CADM2: variants seen among roughly 807,000 people sequenced by gnomAD.
The protein encoded by CADM2 is immunoglobulin superfamily member 4D.
In CADM2, 12 loss-of-function variants were observed where a neutral mutation model predicts 49.8. That is an observed-to-expected ratio of 0.24 (90% CI 0.15 to 0.39). CADM2 has a LOEUF of 0.39. Ranked by LOEUF, CADM2 falls within the 10% of genes least tolerant of loss-of-function variation. CADM2 has a pLI of 1.00. For missense variants in CADM2, 378 were observed against 492.3 expected, an observed-to-expected ratio of 0.77 and a Z score of 2.20; for synonymous variants, 214 against 175.4, an observed-to-expected ratio of 1.22 and a Z score of -1.74.
intron 1 of CADM2, among the ~76,000 whole-genome samples, chr3:85,609,788 A>G (rs999543049): frequency 2.0e-5 from 3 of 152,106 alleles, no homozygotes; most frequent in Non-Finnish European, 4.4e-5. Flanking sequence ...AGTGCTGGTA[A>G]AAACTGAGGT....
At chr3:85,094,713 T>G (rs1425804674) in intron 1 of CADM2, among the ~76,000 whole-genome samples, 2 of 152,174 alleles carry the variant, frequency 1.3e-5, no homozygotes, top group African/African-American at 4.8e-5. Context: ...TGACTTTTCT[T>G]TTTGGGAATT....
chr3:85,678,563 G>T (rs767381926), intron 1 of CADM2, among the ~76,000 whole-genome samples: 1 of 152,110 alleles, frequency 6.6e-6, no homozygotes, highest in South Asian at 2.1e-4. Context: ...TAACTCATCT[G>T]TTTAAGAATC....
intron 1 of CADM2, among the ~76,000 whole-genome samples, chr3:85,288,424 ATTT>A (rs1271162953): frequency 6.6e-6 from 1 of 152,012 alleles, no homozygotes; most frequent in Non-Finnish European, 1.5e-5. Context: ...TTGTTAGATA[ATTT>A]TTGTTTTTTT....
intron 2 of CADM2, among the ~76,000 whole-genome samples, chr3:85,741,207 G>A (rs950385835): frequency 6.6e-6 from 1 of 152,086 alleles, no homozygotes; most frequent in Non-Finnish European, 1.5e-5. Flanking sequence ...TTCTATTTCA[G>A]TATAAGGAGA....
chr3:85,612,793 T>A (rs1312181162), intron 1 of CADM2, among the ~76,000 whole-genome samples: 1 of 151,804 alleles, frequency 6.6e-6, no homozygotes, highest in Non-Finnish European at 1.5e-5. Context: ...TTTAAATAGC[T>A]GTGTTGGCAG....
chr3:85,832,180 T>C (rs2074215525), intron 3 of CADM2, among the ~76,000 whole-genome samples: 1 of 151,942 alleles, frequency 6.6e-6, no homozygotes, highest in Non-Finnish European at 1.5e-5. Flanking sequence ...TTCTTTTCCA[T>C]TGCTGTGTGT....
At chr3:85,950,105 A>G (rs1723264880) in intron 7 of CADM2, among the ~76,000 whole-genome samples, 1 of 151,236 alleles carries the variant, frequency 6.6e-6, no homozygotes, top group Admixed American at 6.6e-5. Context: ...TAATTTTCAA[A>G]TAAGTTGAAA....
intron 1 of CADM2, among the ~76,000 whole-genome samples, chr3:85,329,869 C>T (rs1429020672): frequency 6.6e-6 from 1 of 151,624 alleles, no homozygotes; most frequent in Non-Finnish European, 1.5e-5. Context: ...TTAGATTGGC[C>T]TTTTTGAAAG....
At chr3:85,153,156 C>T (rs2039985347) in intron 1 of CADM2, among the ~76,000 whole-genome samples, 1 of 152,126 alleles carries the variant, frequency 6.6e-6, no homozygotes, top group Non-Finnish European at 1.5e-5. Flanking sequence ...GTGATTTCTG[C>T]ATTTCCATCA....
At chr3:85,443,880 G>A (rs980182054) in intron 1 of CADM2, among the ~76,000 whole-genome samples, 2 of 151,962 alleles carry the variant, frequency 1.3e-5, no homozygotes, top group Admixed American at 1.3e-4. Flanking sequence ...CAGGTATTTC[G>A]GTTGCCATCT....
chr3:85,254,796 A>T (rs1576219731), intron 1 of CADM2, among the ~76,000 whole-genome samples: 1 of 152,046 alleles, frequency 6.6e-6, no homozygotes, highest in Non-Finnish European at 1.5e-5. Flanking sequence ...GTATGGCAGG[A>T]GCTCTACATT....
chr3:85,938,482 A>G (rs1351086047), intron 7 of CADM2, among the ~76,000 whole-genome samples: 2 of 152,106 alleles, frequency 1.3e-5, no homozygotes, highest in Non-Finnish European at 2.9e-5. Flanking sequence ...TCTGTCAAAC[A>G]TATTTTAAAA....
At chr3:85,508,552 G>C (rs568276235) in intron 1 of CADM2, among the ~76,000 whole-genome samples, 1 of 152,278 alleles carries the variant, frequency 6.6e-6, no homozygotes, top group African/African-American at 2.4e-5. Context: ...AAGTGAGAAA[G>C]AATGGGTTCT....
intron 1 of CADM2, among the ~76,000 whole-genome samples, chr3:85,320,496 T>A (rs554439748): frequency 1.4e-4 from 22 of 152,330 alleles, no homozygotes; most frequent in African/African-American, 5.3e-4. Flanking sequence ...GTCTGATTTC[T>A]GTAGCTGCCG....
intron 3 of CADM2, among the ~76,000 whole-genome samples, chr3:85,832,742 A>G (rs928748033): frequency 6.6e-6 from 1 of 151,918 alleles, no homozygotes; most frequent in African/African-American, 2.4e-5. Flanking sequence ...GAATCGTATC[A>G]TCTGCAAACA....
At chr3:85,211,171 T>G (rs2107768163) in intron 1 of CADM2, among the ~76,000 whole-genome samples, 1 of 152,236 alleles carries the variant, frequency 6.6e-6, no homozygotes, top group African/African-American at 2.4e-5. Context: ...TCTTTGCATC[T>G]TTTCTCTCTC....
rs190669630 is a variant in CADM2, at chr3:85,399,463, C to A, written c.62-327059C>A. 2.8e-3 allele frequency among the ~76,000 whole-genome samples: 419 copies of A among 152,264 alleles called. 3 individuals are homozygous for A. The highest frequency in any genetic ancestry group is 9.5e-3 in the African/African-American group (396 of 41,550). On this transcript the variant is annotated intron_variant, in intron 1 of 9. Coordinates refer to ENST00000383699, the MANE Select transcript of CADM2 (RefSeq NM_001167675.2). ...TAGGATTCTCTTGGCAATGCGGGCT[C>A]TTTTTTGGTTCCATATGAACTTTAA...
chr3:85,895,904 C>G (rs192867929), intron 5 of CADM2, among the ~76,000 whole-genome samples: 1 of 152,122 alleles, frequency 6.6e-6, no homozygotes, highest in Non-Finnish European at 1.5e-5. Flanking sequence ...AACTGTGAGT[C>G]CATTAAACCT....
chr3:85,131,291 T>C (rs1412238508), intron 1 of CADM2, among the ~76,000 whole-genome samples: 1 of 152,238 alleles, frequency 6.6e-6, no homozygotes, highest in Admixed American at 6.5e-5. Context: ...TGTTGAATTT[T>C]AAAGAAACAA....
Sources: allele counts gnomAD v4.1 joint callset (sites outside exome capture counted in the v4.1 genomes callset), GRCh38; gene constraint gnomAD v4.1.1; transcripts MANE v1.5; gene names NCBI Gene and HGNC (gene_info 2026-07-23, HGNC 2026-07-21).